CNN2: variants seen among roughly 807,000 people sequenced by gnomAD.
CNN2 encodes the protein calponin-2.
In CNN2, 21 loss-of-function variants were observed where a neutral mutation model predicts 31.0. The observed-to-expected ratio is 0.68, with a 90% confidence interval of 0.48 to 0.98. The LOEUF (loss-of-function observed/expected upper bound fraction) is 0.98. CNN2 is among the 50% of genes least tolerant of loss of function. The probability of loss-of-function intolerance (pLI) is 0.00; values close to 1 mark genes in which losing one functional copy is unlikely to be tolerated. For synonymous variants in CNN2, 165 were observed against 179.6 expected (o/e 0.92, Z 0.65); for missense variants, 399 against 427.3 (o/e 0.93, Z 0.58).
rs1157333879 is a variant in CNN2 at position 1,036,468 on chromosome 19, G to T, written c.560G>T (p.Arg187Ile). The T allele has an allele frequency of 6.2e-7, 1 of 1,611,524 alleles. No individual in the cohort carries two copies. The highest frequency in any genetic ancestry group is 2.2e-5 in the East Asian group (1 of 44,820). Reference protein sequence around the residue: ...SQSGMTAYGTRRHLYDPKNHI... With the variant: ...SQSGMTAYGTIRHLYDPKNHI... ...TCGGGCATGACTGCCTACGGCACGA[G>T]AAGGCATCTCTATGACCCCAAGAAC... is the stretch of plus-strand genomic sequence containing the variant. Residue 187 changes from arginine (R) to isoleucine (I), a missense_variant, in exon 6 of 7, where the codon AGA becomes ATA. Physicochemically the swap from Arg to Ile is moderately conservative, Grantham distance 97. Coordinates refer to ENST00000263097, the MANE Select transcript of CNN2 (RefSeq NM_004368.4).
Position 1,037,693 on chromosome 19 carries a change from C to T in CNN2, c.723C>T (p.Asp241=), listed in dbSNP as rs1444820527. The change falls in exon 7 of 7, where the codon GAC becomes GAT. Residue 241 remains aspartate (D), a synonymous_variant. Coordinates refer to ENST00000263097, the MANE Select transcript of CNN2 (RefSeq NM_004368.4). ...CCAAGCTGGGAACCGACAAGTGTGACAACTCCTCCATGTCCCTGCAGATGG... is the reference window on the plus strand; with the variant it reads ...CCAAGCTGGGAACCGACAAGTGTGATAACTCCTCCATGTCCCTGCAGATGG... ...YDTKLGTDKC[D]NSSMSLQMGY... The T allele has an allele frequency of 8.1e-6, 13 of 1,611,386 alleles. No homozygotes were observed. The highest frequency in any genetic ancestry group is 1.1e-5 in the Non-Finnish European group (13 of 1,180,048).
At chr19:1,035,480 ATGGCC>A (rs2039566500) in intron 4 of CNN2, among the ~76,000 whole-genome samples, 1 of 152,160 alleles carries the variant, frequency 6.6e-6, no homozygotes, top group African/African-American at 2.4e-5. Context: ...GGCAGAGCCA[ATGGCC>A]TGGCCATGGT....
At chr19:1,030,878 G>A (rs528084875) in intron 1 of CNN2, 193 bp from the exon 2 acceptor site, 6 of 628,746 alleles carry the variant, frequency 9.5e-6, no homozygotes, top group Non-Finnish European at 8.2e-6. Flanking sequence ...ATCTGTGCCC[G>A]CCTGCAGTGG....
In CNN2 at chr19:1,036,510, T is replaced by C. The variant is rs1176044254; in HGVS notation, c.602T>C (p.Met201Thr). The C allele has an allele frequency of 6.2e-7, 1 of 1,613,252 alleles. No individual in the cohort carries two copies. Among genetic ancestry groups the C allele is most frequent in the Admixed American group, 1.7e-5 (1 of 60,002 alleles). ...CCCAAGAACCATATCCTGCCCCCCA[T>C]GGACCACTCGACCATCAGCCTCCAG... is the stretch of plus-strand genomic sequence containing the variant. ...YDPKNHILPP[M>T]DHSTISLQMG... Residue 201 changes from methionine to threonine, a missense_variant, in exon 6 of 7, where the codon ATG (methionine) becomes ACG (threonine). Coordinates refer to ENST00000263097, the MANE Select transcript of CNN2 (RefSeq NM_004368.4).
In CNN2 at chr19:1,038,721, TCCA is replaced by T. The variant is rs2039671255; in HGVS notation, c.*826_*828del. 1 of 152,136 alleles carries T rather than the reference TCCA, an allele frequency of 6.6e-6. No individual in the cohort carries two copies. Among genetic ancestry groups the T allele is most frequent in the Non-Finnish European group, 1.5e-5 (1 of 68,038 alleles). 9.4% of individuals were successfully genotyped at this position (152,136 alleles called of 1,614,324 possible). A position where few individuals can be genotyped will look rare whatever the true frequency, so the allele number is the denominator to read the frequency against. ...CCTGAGTAGCTAGGACTGCAGGTGC[TCCA>T]CCACGCCCGGCTAATTTTTGTATTT... On this transcript the variant is annotated 3_prime_UTR_variant, in exon 7 of 7. Transcript: ENST00000263097.
intron 6 of CNN2, 149 bp downstream of exon 6, chr19:1,036,711 C>T: frequency 1.1e-6 from 1 of 917,128 alleles, no homozygotes; most frequent in Non-Finnish European, 1.7e-6. Flanking sequence ...TCCCCGCTCT[C>T]TGTCTCCGCC....
chr19:1,026,681 A>G lies in CNN2; in HGVS notation c.20A>G (p.Asn7Ser), dbSNP rs2039400783. The change falls in exon 1 of 7, where the codon AAC (asparagine) becomes AGC (serine). Residue 7 changes from asparagine to serine, a missense_variant. Transcript: ENST00000263097. ...CCAGCCATGAGCTCCACGCAGTTCA[A>G]CAAGGGCCCCTCGTACGGGCTGTCG... MSSTQF[N>S]KGPSYGLSAE... 1.3e-6 allele frequency: 2 copies of G among 1,548,818 alleles called. No homozygotes were observed. Among genetic ancestry groups the G allele is most frequent in the African/African-American group, 1.4e-5 (1 of 72,754 alleles).
At position 1,037,624 on chromosome 19, in the gene CNN2, G is replaced by A; in HGVS notation, c.655-1G>A. The A allele has an allele frequency of 1.9e-6, 3 of 1,610,710 alleles. No individual in the cohort carries two copies. Among genetic ancestry groups the A allele is most frequent in the Non-Finnish European group, 2.5e-6 (3 of 1,179,640 alleles). On this transcript the variant is annotated splice_acceptor_variant, in intron 6 of 6. Transcript: ENST00000263097. LOFTEE classifies it high-confidence loss of function. Reference sequence around the variant, plus strand: ...CTGCTCCACCCCTCCTTCCTCTCCAGGTGGGCATGACGGCTCCCGGGACCC... The same window carrying A: ...CTGCTCCACCCCTCCTTCCTCTCCAAGTGGGCATGACGGCTCCCGGGACCC...
chr19:1,026,862 T>G, intron 1 of CNN2, 138 bp downstream of exon 1: 17 of 763,806 alleles, frequency 2.2e-5, no homozygotes, highest in Non-Finnish European at 3.4e-5. Flanking sequence ...TTGTTCTCCC[T>G]GACGCCTGGT....
chr19:1,032,251 A>G (rs117381268), intron 2 of CNN2, 141 bp from the exon 3 acceptor site: 24,334 of 877,856 alleles, frequency 0.028, 115 homozygotes, highest in South Asian at 0.044. Context: ...AAAAAAAAAA[A>G]GAGTGGAAAC....
rs748314819 is a variant in CNN2 at position 1,037,706 on chromosome 19, T to A, written c.736T>A (p.Ser246Thr). The A allele has an allele frequency of 6.2e-7, 1 of 1,611,554 alleles. No homozygotes were observed. The highest frequency in any genetic ancestry group is 8.5e-7 in the Non-Finnish European group (1 of 1,180,034). Reference protein sequence around the residue: ...GTDKCDNSSMSLQMGYTQGAN... With the variant: ...GTDKCDNSSMTLQMGYTQGAN... Reference sequence around the variant, plus strand: ...CGACAAGTGTGACAACTCCTCCATGTCCCTGCAGATGGGCTACACGCAGGG... The same window carrying A: ...CGACAAGTGTGACAACTCCTCCATGACCCTGCAGATGGGCTACACGCAGGG... The change falls in exon 7 of 7, where the codon TCC becomes ACC. Residue 246 changes from serine to threonine, a missense_variant. Coordinates refer to ENST00000263097, the MANE Select transcript of CNN2 (RefSeq NM_004368.4).
intron 6 of CNN2, chr19:1,036,926 T>C: frequency 3.0e-6 from 1 of 334,422 alleles, no homozygotes; most frequent in Non-Finnish European, 5.7e-6. Flanking sequence ...CGATCTCGGC[T>C]CACTGCAACC....
chr19:1,028,699 C>CG (rs1241602881), intron 1 of CNN2, among the ~76,000 whole-genome samples: 15 of 95,448 alleles, frequency 1.6e-4, no homozygotes, highest in South Asian at 1.3e-3. Flanking sequence ...GGCCGGGCAG[C>CG]GGGGGGGCGG....
At chr19:1,028,923 G>A (rs1429284432) in intron 1 of CNN2, among the ~76,000 whole-genome samples, 1 of 152,190 alleles carries the variant, frequency 6.6e-6, no homozygotes, top group African/African-American at 2.4e-5. Flanking sequence ...GGGCCTCCCC[G>A]CCTTTGCCTC....
At position 1,038,205 on chromosome 19, in the gene CNN2, G is replaced by A. The variant is rs2039635837; in HGVS notation, c.*305G>A. ...AAGAGACCTGGGCTTGGAAGGAACC[G>A]GTCCCCGACGGTTTCTGCTTGCCTC... is the stretch of plus-strand genomic sequence containing the variant. On this transcript the variant is annotated 3_prime_UTR_variant, in exon 7 of 7. Transcript: ENST00000263097. The A allele has an allele frequency of 3.0e-6, 1 of 331,776 alleles. No individual in the cohort carries two copies. Among genetic ancestry groups the A allele is most frequent in the Non-Finnish European group, 5.5e-6 (1 of 182,602 alleles). 20.6% of individuals were successfully genotyped at this position (331,776 alleles called of 1,614,324 possible).
In CNN2 at chr19:1,038,008, C is replaced by T; in HGVS notation, c.*108C>T. 8.7e-7 allele frequency: 1 copy of T among 1,142,858 alleles called. No homozygotes were observed. The highest frequency in any genetic ancestry group is 1.2e-6 in the Non-Finnish European group (1 of 818,672). 70.8% of individuals were successfully genotyped at this position (1,142,858 alleles called of 1,614,324 possible). ...TCTTAACCCGTTCAGTGCTGCCAGTCAACCAAGGGTCTGTGAGTGTCAGCG... is the reference window on the plus strand; with the variant it reads ...TCTTAACCCGTTCAGTGCTGCCAGTTAACCAAGGGTCTGTGAGTGTCAGCG... On this transcript the variant is annotated 3_prime_UTR_variant, in exon 7 of 7. Coordinates refer to ENST00000263097, the MANE Select transcript of CNN2 (RefSeq NM_004368.4).
intron 4 of CNN2, among the ~76,000 whole-genome samples, chr19:1,033,657 T>C (rs574700546): frequency 0.015 from 1,748 of 113,192 alleles, 70 homozygotes; most frequent in African/African-American, 0.059. Context: ...GGTGGGACAG[T>C]GTCTGGTGTA....
rs78251590 is a variant in CNN2, at chr19:1,037,872, C to T, written c.902C>T (p.Pro301Leu). Residue 301 changes from proline to leucine, a missense_variant, in exon 7 of 7, where the codon CCT becomes CTT. Physicochemically the swap from Pro to Leu is moderately conservative, Grantham distance 98. Coordinates refer to ENST00000263097, the MANE Select transcript of CNN2 (RefSeq NM_004368.4). ...PDPGEVPEYPPYYQEEAGY is the reference protein window; with the variant it reads ...PDPGEVPEYPLYYQEEAGY ...CCGGGGGAGGTCCCTGAATATCCCCCTTACTACCAGGAGGAGGCCGGCTAC... is the reference window on the plus strand; with the variant it reads ...CCGGGGGAGGTCCCTGAATATCCCCTTTACTACCAGGAGGAGGCCGGCTAC... 1.7e-5 allele frequency: 26 copies of T among 1,508,844 alleles called. No individual in the cohort carries two copies. The South Asian group carries it at 3.0e-4, about 18-fold the overall frequency. The allele number at this position is 1,508,844 out of a possible 1,614,324, so 93.5% of individuals were successfully genotyped here.
chr19:1,036,331 A>G, intron 5 of CNN2, 85 bp downstream of exon 5: 3 of 1,577,910 alleles, frequency 1.9e-6, no homozygotes, highest in South Asian at 1.2e-5. Context: ...GGACAGCGGC[A>G]TGGAGCCCTG....
Sources: gnomAD v4.1 joint callset for allele counts (sites outside exome capture counted in the v4.1 genomes callset) on GRCh38, gnomAD v4.1.1 for gene constraint, MANE v1.5 for transcripts, NCBI Gene and HGNC (gene_info 2026-07-23, HGNC 2026-07-21) for gene names.